Variants in RFX2 observed in about 807,000 individuals in gnomAD.
The protein encoded by RFX2 is DNA-binding protein RFX2.
In RFX2, 20 loss-of-function variants were observed where a neutral mutation model predicts 87.8. The ratio of observed to expected loss-of-function variants is 0.23; its 90% CI spans 0.16 to 0.33. The LOEUF is 0.33. Ranked by LOEUF, RFX2 falls within the 10% of genes least tolerant of loss-of-function variation. The probability of loss-of-function intolerance (pLI) is 1.00; values close to 1 mark genes in which losing one functional copy is unlikely to be tolerated. For missense variants in RFX2, 767 were observed against 1,012.3 expected (o/e 0.76, Z 3.29); for synonymous variants, 397 against 431.3 (o/e 0.92, Z 0.98).
intron 9 of RFX2, among the ~76,000 whole-genome samples, chr19:6,008,851 A>G (rs1183596009): frequency 1.3e-5 from 2 of 150,980 alleles, no homozygotes; most frequent in Non-Finnish European, 3.0e-5. Context: ...CTAAGTTTGT[A>G]TTTTTTTTGG....
At chr19:6,034,310 C>T (rs886481512) in intron 5 of RFX2, among the ~76,000 whole-genome samples, 4 of 150,846 alleles carry the variant, frequency 2.7e-5, no homozygotes, top group African/African-American at 7.3e-5. Context: ...CTCACTGCAA[C>T]CTCCGCCTCC....
In RFX2 at chr19:6,042,059, T is replaced by C; in HGVS notation, c.245A>G (p.Tyr82Cys). Residue 82 changes from tyrosine to cysteine, a missense_variant, in exon 4 of 18, where the codon TAC (tyrosine) becomes TGC (cysteine). Tyr to Cys is a radical substitution (Grantham distance 194). This residue lies in a region of RFX2 where 146 missense variants were observed against 139.2 expected (regional missense o/e 1.05). Transcript: ENST00000303657. ...VQYVEGGDAV[Y>C]TNGAIRTAYT... ...AAGCACGCACATGGCTCCATTGGTG[T>C]AGACGGCGTCTCCCCCTTCCACGTA... 6.2e-7 allele frequency: 1 copy of C among 1,613,962 alleles called. No homozygotes were observed. The highest frequency in any genetic ancestry group is 8.5e-7 in the Non-Finnish European group (1 of 1,179,922).
At chr19:6,057,949 C>T (rs759863264) in intron 1 of RFX2, among the ~76,000 whole-genome samples, 2 of 152,180 alleles carry the variant, frequency 1.3e-5, no homozygotes, top group African/African-American at 2.4e-5. Context: ...CTTGTGTGGC[C>T]TGGCCCCACG....
In RFX2 at chr19:6,002,124, T is replaced by A; in HGVS notation, c.1651-101A>T. 9.3e-7 allele frequency: 1 copy of A among 1,070,636 alleles called. No individual in the cohort carries two copies. The highest frequency in any genetic ancestry group is 1.3e-6 in the Non-Finnish European group (1 of 766,844). 66.3% of individuals were successfully genotyped at this position (1,070,636 alleles called of 1,614,324 possible). ...TCAGGGCGGGACATCGTGCTGTGCTTGAGCCTTCTCGCCCTTGACCTTGAC... is the reference window on the plus strand; with the variant it reads ...TCAGGGCGGGACATCGTGCTGTGCTAGAGCCTTCTCGCCCTTGACCTTGAC... On this transcript the variant is annotated intron_variant, in intron 14 of 17. Coordinates refer to ENST00000303657, the MANE Select transcript of RFX2 (RefSeq NM_000635.4). This position sits in a 1 kb window ranked among gnomAD's most constrained non-coding sequence, Gnocchi z 6.7.
chr19:6,058,106 T>C (rs2087371604), intron 1 of RFX2, among the ~76,000 whole-genome samples: 1 of 152,206 alleles, frequency 6.6e-6, no homozygotes, highest in African/African-American at 2.4e-5. Context: ...TACTCTGCCC[T>C]GATAATCACC....
intron 12 of RFX2, among the ~76,000 whole-genome samples, chr19:6,005,326 C>T (rs550312428): frequency 2.0e-4 from 30 of 152,340 alleles, no homozygotes; most frequent in Admixed American, 5.2e-4. Flanking sequence ...CTGGTACTAA[C>T]GGGCATGCAT....
chr19:6,055,223 G>T (rs1363645891), intron 1 of RFX2, among the ~76,000 whole-genome samples: 3 of 152,124 alleles, frequency 2.0e-5, no homozygotes, highest in African/African-American at 7.2e-5. Flanking sequence ...AGTACATGGA[G>T]CAACTAAAAC....
At position 5,994,855 on chromosome 19, in the gene RFX2, G is replaced by A. The variant is rs751954291; in HGVS notation, c.2152C>T (p.His718Tyr). The A allele has an allele frequency of 1.9e-5, 31 of 1,609,988 alleles. No homozygotes were observed. The highest frequency in any genetic ancestry group is 6.7e-5 in the Admixed American group (4 of 60,014). Residue 718 changes from histidine (H) to tyrosine (Y), a missense_variant, in exon 18 of 18, where the codon CAC (histidine) becomes TAC (tyrosine). Coordinates refer to ENST00000303657, the MANE Select transcript of RFX2 (RefSeq NM_000635.4). ...LVKRERSDPNHSLQGI is the reference protein window; with the variant it reads ...LVKRERSDPNYSLQGI ...GGCTGCTAGATGCCCTGCAGGGAGT[G>A]GTTGGGGTCACTGCGCTCCCGCTTT...
At chr19:6,093,138 G>A (rs1270439236) in intron 1 of RFX2, among the ~76,000 whole-genome samples, 2 of 152,200 alleles carry the variant, frequency 1.3e-5, no homozygotes, top group African/African-American at 2.4e-5. Flanking sequence ...TTTCCCTGCC[G>A]CGAGTGGGCA....
rs971211120 is a variant in RFX2 at position 6,002,147 on chromosome 19, G to A, written c.1651-124C>T. The stretch of plus-strand genomic sequence containing the variant: ...CTTGAGCCTTCTCGCCCTTGACCTT[G>A]ACAGCTGCAAGCCAAGTCCTGTGTC... On this transcript the variant is annotated intron_variant, in intron 14 of 17. Coordinates refer to ENST00000303657, the MANE Select transcript of RFX2 (RefSeq NM_000635.4). The surrounding 1 kb of genome is among the most constrained non-coding windows in gnomAD (Gnocchi z 6.7). 2.0e-5 allele frequency: 16 copies of A among 814,222 alleles called. No homozygotes were observed. Among genetic ancestry groups the A allele is most frequent in the Middle Eastern group, 3.7e-4 (1 of 2,714 alleles). The allele number at this position is 814,222 out of a possible 1,614,324, so 50.4% of individuals were successfully genotyped here.
At position 6,004,173 on chromosome 19, in the gene RFX2, G is replaced by C; in HGVS notation, c.1500+28C>G. ...CTGGAGCCCCTCCCAGCCATCGTTGGGGAGCCCAGGCCCCACCCCGGACGC... is the reference window on the plus strand; with the variant it reads ...CTGGAGCCCCTCCCAGCCATCGTTGCGGAGCCCAGGCCCCACCCCGGACGC... On this transcript the variant is annotated intron_variant, in intron 13 of 17. Coordinates refer to ENST00000303657, the MANE Select transcript of RFX2 (RefSeq NM_000635.4). The surrounding 1 kb of genome is among the most constrained non-coding windows in gnomAD (Gnocchi z 4.8). 6.4e-7 allele frequency: 1 copy of C among 1,564,726 alleles called. No individual in the cohort carries two copies. Among genetic ancestry groups the C allele is most frequent in the Non-Finnish European group, 8.8e-7 (1 of 1,134,962 alleles).
Position 5,998,915 on chromosome 19 carries a change from C to A in RFX2, c.1860-1702G>T, listed in dbSNP as rs1190076254. On this transcript the variant is annotated intron_variant, in intron 15 of 17. Transcript: ENST00000303657. The surrounding 1 kb of genome is among the most constrained non-coding windows in gnomAD (Gnocchi z 4.2). ...TCTAGTGGGTGCTACAGAAATAAATCCCGTAAACCTAATTTTTATTTTTTA... is the reference window on the plus strand; with the variant it reads ...TCTAGTGGGTGCTACAGAAATAAATACCGTAAACCTAATTTTTATTTTTTA... Among the ~76,000 whole-genome samples, 1 of 152,200 alleles carries A rather than the reference C, an allele frequency of 6.6e-6. No individual in the cohort carries two copies. Among genetic ancestry groups the A allele is most frequent in the Admixed American group, 6.5e-5 (1 of 15,278 alleles).
rs2086457582 is a variant in RFX2, at chr19:5,999,091, A to C, written c.1860-1878T>G. 1.3e-5 allele frequency among the ~76,000 whole-genome samples: 2 copies of C among 152,148 alleles called. No homozygotes were observed. Among genetic ancestry groups the C allele is most frequent in the South Asian group, 4.1e-4 (2 of 4,826 alleles). On this transcript the variant is annotated intron_variant, in intron 15 of 17. Coordinates refer to ENST00000303657, the MANE Select transcript of RFX2 (RefSeq NM_000635.4). The surrounding 1 kb of genome is among the most constrained non-coding windows in gnomAD (Gnocchi z 4.1). ...GCCAACATGGCAAAACCCCGTCTCT[A>C]CTAAAAATACAAAAATCAGCCAGGC...
intron 1 of RFX2, among the ~76,000 whole-genome samples, chr19:6,078,881 T>TTCTA (rs1438256779): frequency 1.3e-5 from 2 of 152,220 alleles, no homozygotes; most frequent in African/African-American, 2.4e-5. Context: ...GTTCAAACTA[T>TTCTA]TCTAGTGCCT....
chr19:6,088,042 G>A (rs2087879300), intron 1 of RFX2, among the ~76,000 whole-genome samples: 2 of 152,118 alleles, frequency 1.3e-5, no homozygotes, highest in Non-Finnish European at 2.9e-5. Context: ...TCAAGGGACA[G>A]TCACCCAGAG....
Position 6,007,579 on chromosome 19 carries a change from C to A in RFX2, c.1247+111G>T, listed in dbSNP as rs1362909300. ...ATTACAGGGATGGAGGCAGAGGGGT[C>A]TGAACCCTGATTCTTGGAGAGCTGA... On this transcript the variant is annotated intron_variant, in intron 11 of 17. Transcript: ENST00000303657. This position sits in a 1 kb window ranked among gnomAD's most constrained non-coding sequence, Gnocchi z 8.2. 4.4e-6 allele frequency: 3 copies of A among 681,230 alleles called. No individual in the cohort carries two copies. The highest frequency in any genetic ancestry group is 5.2e-6 in the Non-Finnish European group (2 of 382,468). The allele number at this position is 681,230 out of a possible 1,614,324, so 42.2% of individuals were successfully genotyped here.
Position 6,013,004 on chromosome 19 carries a change from G to GGAT in RFX2, c.880_881insATC (p.Gln293_Pro294insHis). 1 of 1,574,464 alleles carries GGAT rather than the reference G, an allele frequency of 6.4e-7. No homozygotes were observed. Among genetic ancestry groups the GGAT allele is most frequent in the East Asian group, 2.3e-5 (1 of 42,724 alleles). The stretch of plus-strand genomic sequence containing the variant: ...CACCCACCTGGGCTTCTGGTGCATG[G>GGAT]GCTGCTGCCGCATGGCCATGTACTG... On this transcript the variant is annotated inframe_insertion, in exon 8 of 18. Coordinates refer to ENST00000303657, the MANE Select transcript of RFX2 (RefSeq NM_000635.4). The surrounding 1 kb of genome is among the most constrained non-coding windows in gnomAD (Gnocchi z 4.1).
chr19:6,070,128 A>G (rs946262242), intron 1 of RFX2, among the ~76,000 whole-genome samples: 4 of 69,984 alleles, frequency 5.7e-5, no homozygotes, highest in Non-Finnish European at 8.1e-5. Flanking sequence ...ATGGGATGGG[A>G]TGTGGATGGG....
chr19:6,037,262 CGACAGAGAGA>C (rs2087037743), intron 5 of RFX2, among the ~76,000 whole-genome samples: 2 of 140,410 alleles, frequency 1.4e-5, no homozygotes, highest in African/African-American at 5.3e-5. Flanking sequence ...CCAGCCTGGG[CGACAGAGAGA>C]GACTCTGTCT....
Sources: gnomAD v4.1 joint callset for allele counts (sites outside exome capture counted in the v4.1 genomes callset) on GRCh38, gnomAD v4.1.1 for gene constraint, gnomAD v4.1.1 regional missense constraint, Gnocchi (gnomAD v3.1) non-coding constraint, MANE v1.5 for transcripts, NCBI Gene and HGNC (gene_info 2026-07-23, HGNC 2026-07-21) for gene names.